The following HS6ST3 variants were observed in gnomAD, a reference collection of about 807,000 sequenced individuals.
HS6ST3 encodes the protein heparan-sulfate 6-O-sulfotransferase 3.
HS6ST3 carries 12 observed loss-of-function variants against 36.7 expected under a neutral mutation model. That is an observed-to-expected ratio of 0.33 (90% CI 0.21 to 0.53). HS6ST3 has a LOEUF of 0.53. Among genes scored for constraint, HS6ST3 ranks in the 20% least tolerant of loss-of-function variants. The pLI is 0.95. For missense variants in HS6ST3, 584 were observed against 640.9 expected (o/e 0.91, Z 0.96); for synonymous variants, 240 against 257.5 (o/e 0.93, Z 0.65).
intron 1 of HS6ST3, among the ~76,000 whole-genome samples, chr13:96,550,539 C>A (rs1277101060): frequency 6.6e-6 from 1 of 152,126 alleles, no homozygotes; most frequent in Non-Finnish European, 1.5e-5. Flanking sequence ...AACCTTCAAG[C>A]CTAATGTGGA....
chr13:96,363,222 A>T (rs942945509), intron 1 of HS6ST3, among the ~76,000 whole-genome samples: 10 of 151,982 alleles, frequency 6.6e-5, no homozygotes, highest in Non-Finnish European at 1.5e-4. Context: ...AGCTTTTAGT[A>T]TTCCATTATA....
chr13:96,228,816 C>A (rs773609403), intron 1 of HS6ST3, among the ~76,000 whole-genome samples: 17 of 152,098 alleles, frequency 1.1e-4, no homozygotes, highest in Non-Finnish European at 2.4e-4. Context: ...TAAAACAGAA[C>A]GTCATTAAAG....
chr13:96,484,062 T>C (rs112262368), intron 1 of HS6ST3, among the ~76,000 whole-genome samples: 9,499 of 152,266 alleles, frequency 0.062, 316 homozygotes, highest in Middle Eastern at 0.082. Flanking sequence ...TATATTTATA[T>C]GGATCTATTT....
intron 1 of HS6ST3, among the ~76,000 whole-genome samples, chr13:96,363,675 C>T (rs1037973439): frequency 2.6e-5 from 4 of 152,062 alleles, no homozygotes; most frequent in Non-Finnish European, 5.9e-5. Flanking sequence ...ACAAAACACC[C>T]CTTCATCCCA....
chr13:96,362,571 G>A (rs1281806046), intron 1 of HS6ST3, among the ~76,000 whole-genome samples: 3 of 152,168 alleles, frequency 2.0e-5, no homozygotes, highest in Admixed American at 2.0e-4. Flanking sequence ...CTCGTGCCTT[G>A]CTGTGTGAAT....
Position 96,324,447 on chromosome 13 carries a change from A to G in HS6ST3, c.707+232878A>G, listed in dbSNP as rs180890754. On this transcript the variant is annotated intron_variant, in intron 1 of 1. Coordinates refer to ENST00000376705, the MANE Select transcript of HS6ST3 (RefSeq NM_153456.4). ...ATAAGAGGAAAACTGACCCCTGACC[A>G]TGTGGTATATTAAAGAATTCAAGGG... 9.9e-5 allele frequency among the ~76,000 whole-genome samples: 15 copies of G among 152,278 alleles called. No homozygotes were observed. The East Asian group carries it at 2.7e-3, about 27-fold the overall frequency.
intron 1 of HS6ST3, among the ~76,000 whole-genome samples, chr13:96,483,360 T>C (rs1344978236): frequency 6.6e-6 from 1 of 152,102 alleles, no homozygotes; most frequent in Non-Finnish European, 1.5e-5. Flanking sequence ...GAATCTTTGA[T>C]GAACTGAAAG....
rs540299110 is a variant in HS6ST3, at chr13:96,526,730, C to A, written c.708-305760C>A. Reference sequence around the variant, plus strand: ...TACTAGCTAATGTTCATAAGTTTTTCTTCATATCATTAGGTATGGGAGAAA... The same window carrying A: ...TACTAGCTAATGTTCATAAGTTTTTATTCATATCATTAGGTATGGGAGAAA... On this transcript the variant is annotated intron_variant, in intron 1 of 1. Transcript: ENST00000376705. Among the ~76,000 whole-genome samples, 12 of 152,226 alleles carry A rather than the reference C, an allele frequency of 7.9e-5. No individual in the cohort carries two copies. In the South Asian group the frequency reaches 2.3e-3, roughly 29 times the overall value.
Position 96,356,564 on chromosome 13 carries a change from T to C in HS6ST3, c.707+264995T>C, listed in dbSNP as rs116469803. Among the ~76,000 whole-genome samples, 1,438 of 152,316 alleles carry C rather than the reference T, an allele frequency of 9.4e-3. 26 individuals carry two copies. Among genetic ancestry groups the C allele is most frequent in the African/African-American group, 0.033 (1,382 of 41,574 alleles). ...GCATTGTCAATGAGTAGTAATCATTTGAAATGAATCATTCTTTCTTAGCAG... is the reference window on the plus strand; with the variant it reads ...GCATTGTCAATGAGTAGTAATCATTCGAAATGAATCATTCTTTCTTAGCAG... On this transcript the variant is annotated intron_variant, in intron 1 of 1. Coordinates refer to ENST00000376705, the MANE Select transcript of HS6ST3 (RefSeq NM_153456.4).
intron 1 of HS6ST3, among the ~76,000 whole-genome samples, chr13:96,384,869 A>G (rs1288170989): frequency 3.9e-5 from 6 of 152,156 alleles, no homozygotes; most frequent in African/African-American, 9.6e-5. Flanking sequence ...GACTTGTATG[A>G]TTAAAAAATA....
At chr13:96,711,215 C>T (rs1010695532) in intron 1 of HS6ST3, among the ~76,000 whole-genome samples, 2 of 152,172 alleles carry the variant, frequency 1.3e-5, no homozygotes, top group African/African-American at 4.8e-5. Context: ...GGCCACACCT[C>T]AGCCTATAAC....
At chr13:96,178,858 C>A (rs998935219) in intron 1 of HS6ST3, among the ~76,000 whole-genome samples, 14 of 152,140 alleles carry the variant, frequency 9.2e-5, no homozygotes, top group African/African-American at 3.1e-4. Context: ...AAAATGAAAG[C>A]TGGATCTTTC....
intron 1 of HS6ST3, among the ~76,000 whole-genome samples, chr13:96,600,866 A>G (rs1245535326): frequency 6.6e-6 from 1 of 152,098 alleles, no homozygotes; most frequent in Non-Finnish European, 1.5e-5. Flanking sequence ...TCTAGTGGTG[A>G]CAAGTTCCCT....
At chr13:96,301,737 C>CAACA (rs976803149) in intron 1 of HS6ST3, among the ~76,000 whole-genome samples, 9 of 151,692 alleles carry the variant, frequency 5.9e-5, no homozygotes, top group Non-Finnish European at 1.3e-4. Context: ...ACTAAAAATA[C>CAACA]AACAAACAAA....
At chr13:96,448,739 CT>C (rs2055711804) in intron 1 of HS6ST3, among the ~76,000 whole-genome samples, 2 of 152,026 alleles carry the variant, frequency 1.3e-5, no homozygotes, top group African/African-American at 4.8e-5. Context: ...CCTAATGTCT[CT>C]CTAACAAAGT....
intron 1 of HS6ST3, among the ~76,000 whole-genome samples, chr13:96,460,411 T>C (rs1334025614): frequency 6.6e-6 from 1 of 152,234 alleles, no homozygotes. Context: ...AACTAAACTT[T>C]ATCTTGGAAT....
intron 1 of HS6ST3, among the ~76,000 whole-genome samples, chr13:96,100,906 G>A (rs2139294809): frequency 6.6e-6 from 1 of 152,274 alleles, no homozygotes; most frequent in Admixed American, 6.5e-5. Flanking sequence ...CTACAAATGA[G>A]ACCAAGATCG....
intron 1 of HS6ST3, among the ~76,000 whole-genome samples, chr13:96,707,581 G>A (rs748348772): frequency 6.6e-6 from 1 of 152,202 alleles, no homozygotes; most frequent in Non-Finnish European, 1.5e-5. Flanking sequence ...AGCCAGGCCT[G>A]ACTCCAAGAA....
intron 1 of HS6ST3, among the ~76,000 whole-genome samples, chr13:96,657,652 C>T (rs1477216420): frequency 2.0e-5 from 3 of 152,126 alleles, no homozygotes; most frequent in African/African-American, 7.2e-5. Context: ...GTTGCTTTTT[C>T]AGAAGAGCTT....
Sources: gnomAD v4.1 joint callset for allele counts (sites outside exome capture counted in the v4.1 genomes callset) on GRCh38, gnomAD v4.1.1 for gene constraint, MANE v1.5 for transcripts, NCBI Gene and HGNC (gene_info 2026-07-23, HGNC 2026-07-21) for gene names.